The following TMCO4 variants were observed in gnomAD, a reference collection of about 807,000 sequenced individuals.
TMCO4 encodes transmembrane and coiled-coil domain-containing protein 4.
Under a neutral mutation model 64.7 loss-of-function variants are expected in TMCO4, and 58 were observed. The observed-to-expected ratio is 0.90, with a 90% confidence interval of 0.73 to 1.12. The LOEUF (loss-of-function observed/expected upper bound fraction) is 1.12. Among genes scored for constraint, TMCO4 ranks in the 50% most tolerant of loss-of-function variants. The pLI, the probability that TMCO4 is intolerant of heterozygous loss-of-function variation, is 0.00. For synonymous variants in TMCO4, 325 were observed against 346.1 expected, an observed-to-expected ratio of 0.94 and a Z score of 0.68; for missense variants, 780 against 825.9, an observed-to-expected ratio of 0.94 and a Z score of 0.68.
At chr1:19,757,277 C>T (rs947042778) in intron 6 of TMCO4, among the ~76,000 whole-genome samples, 1 of 152,032 alleles carries the variant, frequency 6.6e-6, no homozygotes, top group Non-Finnish European at 1.5e-5. Context: ...TCTAAAATCA[C>T]AGTGTTAGCA....
intron 4 of TMCO4, among the ~76,000 whole-genome samples, chr1:19,772,556 C>A (rs1027908204): frequency 2.0e-5 from 3 of 152,160 alleles, no homozygotes; most frequent in African/African-American, 4.8e-5. Flanking sequence ...TCTGACACAG[C>A]CACCTCTGTG....
rs902127464 is a variant in TMCO4 at position 19,734,536 on chromosome 1, C to T, written c.1264+2836G>A. Among the ~76,000 whole-genome samples the T allele has an allele frequency of 1.3e-5, 2 of 152,082 alleles. No homozygotes were observed. The highest frequency in any genetic ancestry group is 4.8e-5 in the African/African-American group (2 of 41,408). On this transcript the variant is annotated intron_variant, in intron 13 of 15. Coordinates refer to ENST00000294543, the MANE Select transcript of TMCO4 (RefSeq NM_181719.7). This position sits in a 1 kb window ranked among gnomAD's most constrained non-coding sequence, Gnocchi z 4.4. ...TCCCCAGCGTTGAACCAGTTGTTTC[C>T]AACTCCTTAGCCTGGCACAGTGCCA...
chr1:19,688,112 G>C (rs970866966), intron 15 of TMCO4, among the ~76,000 whole-genome samples: 6 of 152,170 alleles, frequency 3.9e-5, no homozygotes, highest in Non-Finnish European at 8.8e-5. Flanking sequence ...CTGGATACAC[G>C]CCGGATGTGA....
chr1:19,750,898 C>T (rs2041997579), intron 7 of TMCO4, among the ~76,000 whole-genome samples: 1 of 152,190 alleles, frequency 6.6e-6, no homozygotes, highest in African/African-American at 2.4e-5. Context: ...ACCCTCTGTG[C>T]CACATTATCC....
chr1:19,758,138 C>T (rs1248273758), intron 6 of TMCO4, among the ~76,000 whole-genome samples: 2 of 152,322 alleles, frequency 1.3e-5, no homozygotes, highest in East Asian at 3.9e-4. Context: ...GACACAGTCC[C>T]TGAAGTCTTG....
At chr1:19,799,746 G>A (rs1278790496) in intron 1 of TMCO4, 109 bp downstream of exon 1, 1 of 152,170 alleles carries the variant, frequency 6.6e-6, no homozygotes, top group Non-Finnish European at 1.5e-5. Flanking sequence ...GCAGGGCAAA[G>A]GGCCCCGGGG....
Position 19,683,213 on chromosome 1 carries a change from CT to C in TMCO4, c.1731del (p.Asp578ThrfsTer9), listed in dbSNP as rs770558634. 24 of 1,614,106 alleles carry C rather than the reference CT, an allele frequency of 1.5e-5. No homozygotes were observed. The highest frequency in any genetic ancestry group is 6.6e-5 in the South Asian group (6 of 91,090). ...SGDTSKLAMSTDPSQAQVPVG... is the reference protein window; with the variant it reads ...SGDTSKLAMSXDPSQAQVPVG... ...ACTGGCACCTGGGCTTGGCTGGGGTCTGTGGACATGGCCAATTTGGAGGTGT... is the reference window on the plus strand; with the variant it reads ...ACTGGCACCTGGGCTTGGCTGGGGTCGTGGACATGGCCAATTTGGAGGTGT... On this transcript the variant is annotated frameshift_variant, in exon 16 of 16. Transcript: ENST00000294543. LOFTEE classifies it low-confidence loss of function (END_TRUNC).
chr1:19,780,023 G>A (rs2043387790), intron 4 of TMCO4, among the ~76,000 whole-genome samples: 1 of 152,066 alleles, frequency 6.6e-6, no homozygotes, highest in Non-Finnish European at 1.5e-5. Flanking sequence ...TTGGCACCAG[G>A]GACTGGTTTC....
intron 12 of TMCO4, among the ~76,000 whole-genome samples, 196 bp downstream of exon 12, chr1:19,739,628 G>A (rs1047150714): frequency 6.6e-6 from 1 of 152,166 alleles, no homozygotes; most frequent in African/African-American, 2.4e-5. Flanking sequence ...TAGAGCTGCA[G>A]AGTCTATAAT....
At chr1:19,789,170 G>A (rs550357537) in intron 2 of TMCO4, among the ~76,000 whole-genome samples, 1 of 152,232 alleles carries the variant, frequency 6.6e-6, no homozygotes, top group Non-Finnish European at 1.5e-5. Context: ...GGGAGGCTGA[G>A]GCAGGCAGTT....
At chr1:19,785,490 T>G (rs528977885) in intron 3 of TMCO4, among the ~76,000 whole-genome samples, 1 of 152,304 alleles carries the variant, frequency 6.6e-6, no homozygotes, top group African/African-American at 2.4e-5. Flanking sequence ...CTGTAGGCAT[T>G]CAGGAAATAC....
chr1:19,700,930 T>G (rs10737480), intron 13 of TMCO4, 45 bp from the exon 14 acceptor site: 586,995 of 1,544,332 alleles, frequency 0.38, 122,938 homozygotes, highest in African/African-American at 0.76. Context: ...CCTGGCCACA[T>G]TGGGTGCTGG....
chr1:19,708,207 G>A (rs985348599), intron 13 of TMCO4, among the ~76,000 whole-genome samples: 31 of 152,194 alleles, frequency 2.0e-4, no homozygotes, highest in African/African-American at 7.5e-4. Context: ...CTTCCAGACA[G>A]CATCCTCAGA....
At chr1:19,762,968 T>C (rs901984311) in intron 6 of TMCO4, among the ~76,000 whole-genome samples, 6 of 152,238 alleles carry the variant, frequency 3.9e-5, no homozygotes, top group African/African-American at 1.4e-4. Context: ...GACCTGGGTT[T>C]AAATCTTGAT....
chr1:19,766,308 C>G (rs946074192), intron 6 of TMCO4, among the ~76,000 whole-genome samples: 1 of 152,332 alleles, frequency 6.6e-6, no homozygotes, highest in African/African-American at 2.4e-5. Context: ...GGCCCATCCA[C>G]GACACCAACC....
chr1:19,697,524 C>T (rs186414325), intron 14 of TMCO4, among the ~76,000 whole-genome samples: 1 of 152,254 alleles, frequency 6.6e-6, no homozygotes, highest in Admixed American at 6.5e-5. Context: ...GCCTCTGCCT[C>T]CTAGGGTCAA....
chr1:19,707,433 G>A (rs1447293691), intron 13 of TMCO4, among the ~76,000 whole-genome samples: 1 of 152,198 alleles, frequency 6.6e-6, no homozygotes, highest in East Asian at 1.9e-4. Context: ...GACCAGTCTG[G>A]CCAACATGGC....
intron 7 of TMCO4, among the ~76,000 whole-genome samples, chr1:19,751,081 A>C (rs568880304): frequency 6.6e-6 from 1 of 152,306 alleles, no homozygotes; most frequent in South Asian, 2.1e-4. Context: ...AAAATTGCTG[A>C]GCTAAGCTCT....
At chr1:19,772,306 G>T (rs567858345) in intron 4 of TMCO4, among the ~76,000 whole-genome samples, 60 of 152,308 alleles carry the variant, frequency 3.9e-4, no homozygotes, top group African/African-American at 1.4e-3. Flanking sequence ...TGCCAAGGAC[G>T]TGCTTTCTGG....
Sources: gnomAD v4.1 joint callset for allele counts (sites outside exome capture counted in the v4.1 genomes callset) on GRCh38, gnomAD v4.1.1 for gene constraint, Gnocchi (gnomAD v3.1) non-coding constraint, MANE v1.5 for transcripts, NCBI Gene and HGNC (gene_info 2026-07-23, HGNC 2026-07-21) for gene names.